The following POC1B variants were observed in gnomAD, a reference collection of about 807,000 sequenced individuals.
POC1B encodes the protein POC1 centriolar protein homolog B.
A neutral mutation model predicts 60.6 loss-of-function variants in POC1B; 44 were observed. The observed-to-expected ratio is 0.73, with a 90% CI of 0.57 to 0.93. POC1B has a LOEUF of 0.93. Ranked by LOEUF, POC1B falls within the 40% of genes least tolerant of loss-of-function variation. The pLI, the probability that POC1B is intolerant of heterozygous loss-of-function variation, is 0.00. For synonymous variants in POC1B, 180 were observed against 198.9 expected (o/e 0.90, Z 0.80); for missense variants, 555 against 572.3 (o/e 0.97, Z 0.31).
intron 2 of POC1B, among the ~76,000 whole-genome samples, chr12:89,504,917 C>T (rs536613426): frequency 6.6e-6 from 1 of 151,972 alleles, no homozygotes; most frequent in African/African-American, 2.4e-5. Flanking sequence ...CCAACTTGGG[C>T]AACATAATGA....
intron 4 of POC1B, among the ~76,000 whole-genome samples, chr12:89,481,423 CAT>C (rs373532519): frequency 8.4e-4 from 128 of 152,248 alleles, no homozygotes; most frequent in African/African-American, 2.9e-3. Flanking sequence ...ATGGGAAACA[CAT>C]GAGATAAGCA....
the POC1B span, among the ~76,000 whole-genome samples, chr12:89,412,933 C>T: frequency 6.6e-6 from 1 of 150,786 alleles, no homozygotes; most frequent in Non-Finnish European, 1.5e-5. Flanking sequence ...CACTCACTCT[C>T]GTCACCCAGG....
Position 89,481,466 on chromosome 12 carries a change from C to T in POC1B, c.453-9191G>A, listed in dbSNP as rs147886295. ...TCTGTCCCAGATTTCTACATAGGAG[C>T]ACTTTCTAAATCTTAGTACATGGAA... On this transcript the variant is annotated intron_variant, in intron 4 of 11. Coordinates refer to ENST00000313546, the MANE Select transcript of POC1B (RefSeq NM_172240.3). 1.3e-3 allele frequency among the ~76,000 whole-genome samples: 205 copies of T among 152,278 alleles called. 1 individual carries two copies. The highest frequency in any genetic ancestry group is 4.6e-3 in the African/African-American group (191 of 41,558).
chr12:89,504,050 C>A (rs1207631358), intron 2 of POC1B, among the ~76,000 whole-genome samples: 1 of 152,202 alleles, frequency 6.6e-6, no homozygotes, highest in Non-Finnish European at 1.5e-5. Flanking sequence ...TGCCCGGCCG[C>A]CCCTTCTGGG....
intron 11 of POC1B, 143 bp downstream of exon 11, chr12:89,425,018 G>T (rs1169474974): frequency 2.7e-6 from 2 of 735,314 alleles, no homozygotes; most frequent in Non-Finnish European, 4.5e-6. Context: ...ACAAGATCTT[G>T]TTTAGGGCAT....
At chr12:89,516,265 T>C (rs1187268301) in intron 2 of POC1B, among the ~76,000 whole-genome samples, 2 of 152,212 alleles carry the variant, frequency 1.3e-5, no homozygotes, top group East Asian at 1.9e-4. Flanking sequence ...CTATCTCCTC[T>C]TCTGATCTAC....
chr12:89,451,531 T>C (rs1882040013), intron 10 of POC1B, among the ~76,000 whole-genome samples: 1 of 152,224 alleles, frequency 6.6e-6, no homozygotes, highest in South Asian at 2.1e-4. Context: ...TTTCAGGATA[T>C]ATGATTGTGT....
the POC1B span, among the ~76,000 whole-genome samples, chr12:89,410,985 C>A: frequency 6.6e-6 from 1 of 152,138 alleles, no homozygotes; most frequent in East Asian, 1.9e-4. Context: ...AATAGACACA[C>A]AGAGAGCCAA....
rs1006739006 is a variant in POC1B, at chr12:89,502,811, T to C, written c.101-5469A>G. 7 of 1,328,622 alleles carry C rather than the reference T, an allele frequency of 5.3e-6. No homozygotes were observed. In the African/African-American group the frequency reaches 8.8e-5, roughly 17 times the overall value. 82.3% of individuals were successfully genotyped at this position (1,328,622 alleles called of 1,614,324 possible). A position where few individuals can be genotyped will look rare whatever the true frequency, so the allele number is the denominator to read the frequency against. The stretch of plus-strand genomic sequence containing the variant: ...TTATGTTAACTTTGGTGACCTTTCG[T>C]GTACTTTACACGAAATACCTTATAT... On this transcript the variant is annotated intron_variant, in intron 2 of 11. Coordinates refer to ENST00000313546, the MANE Select transcript of POC1B (RefSeq NM_172240.3).
intron 2 of POC1B, chr12:89,501,521 C>T: frequency 2.9e-6 from 3 of 1,037,110 alleles, no homozygotes; most frequent in South Asian, 3.1e-5. Context: ...AATGATTGTG[C>T]TTCCAAAATA....
In POC1B at chr12:89,434,455, T is replaced by C. The variant is rs148607404; in HGVS notation, c.1114-9076A>G. Among the ~76,000 whole-genome samples the C allele has an allele frequency of 1.3e-3, 195 of 152,354 alleles. 1 individual carries two copies. The highest frequency in any genetic ancestry group is 4.4e-3 in the African/African-American group (181 of 41,590). On this transcript the variant is annotated intron_variant, in intron 10 of 11. Coordinates refer to ENST00000313546, the MANE Select transcript of POC1B (RefSeq NM_172240.3). ...TAATTTTGAAGCCATTAATGGGTAG[T>C]ATACAGCTAGGACAAATGGAATCTG...
Position 89,496,993 on chromosome 12 carries a change from G to A in POC1B, c.272+178C>T, listed in dbSNP as rs547343068. 2.3e-4 allele frequency: 147 copies of A among 651,270 alleles called. 1 individual carries two copies. The highest frequency in any genetic ancestry group is 1.3e-3 in the Middle Eastern group (3 of 2,242). The allele number at this position is 651,270 out of a possible 1,614,324, so 40.3% of individuals were successfully genotyped here. Reference sequence around the variant, plus strand: ...GGTAGGAAATAGTTTTCAAAAAGAAGACATAATTTTGAGGAAAAAAATTGT... The same window carrying A: ...GGTAGGAAATAGTTTTCAAAAAGAAAACATAATTTTGAGGAAAAAAATTGT... On this transcript the variant is annotated intron_variant, in intron 3 of 11. Transcript: ENST00000313546.
At chr12:89,488,875 A>G (rs1342261637) in intron 4 of POC1B, among the ~76,000 whole-genome samples, 1 of 152,174 alleles carries the variant, frequency 6.6e-6, no homozygotes, top group African/African-American at 2.4e-5. Context: ...CTTATTGTGC[A>G]GCTCCCTGTG....
In POC1B at chr12:89,421,620, G is replaced by A. The variant is rs551273609; in HGVS notation, c.1333-363C>T. 6.6e-5 allele frequency among the ~76,000 whole-genome samples: 10 copies of A among 152,234 alleles called. No individual in the cohort carries two copies. The East Asian group carries it at 1.5e-3, about 23-fold the overall frequency. ...CACACTTAGTGGAGAAGGGGAGGGG[G>A]TGCGAAATTCCACATGCCAGCCAGA... On this transcript the variant is annotated intron_variant, in intron 11 of 11. Coordinates refer to ENST00000313546, the MANE Select transcript of POC1B (RefSeq NM_172240.3).
downstream of POC1B, among the ~76,000 whole-genome samples, chr12:89,419,219 A>G (rs1282348435): frequency 6.6e-6 from 1 of 152,082 alleles, no homozygotes; most frequent in Non-Finnish European, 1.5e-5. Context: ...GATGCCTGTT[A>G]GAGTTCCAAG....
chr12:89,519,358 T>C (rs891290308), intron 2 of POC1B: 2 of 152,194 alleles, frequency 1.3e-5, no homozygotes, highest in African/African-American at 4.8e-5. Context: ...TCCATTGCCA[T>C]TATAAATGTA....
chr12:89,492,898 G>A (rs1397299305), intron 3 of POC1B, among the ~76,000 whole-genome samples: 1 of 151,954 alleles, frequency 6.6e-6, no homozygotes, highest in African/African-American at 2.4e-5. Flanking sequence ...CTAGGTTACT[G>A]CAAAAGCCTC....
chr12:89,420,284 TAG>T lies in POC1B; in HGVS notation c.*867_*868del, dbSNP rs1224409986. The T allele has an allele frequency of 6.6e-6, 1 of 152,164 alleles. No individual in the cohort carries two copies. The allele number at this position is 152,164 out of a possible 1,614,324, so 9.4% of individuals were successfully genotyped here. On this transcript the variant is annotated 3_prime_UTR_variant, in exon 12 of 12. Coordinates refer to ENST00000313546, the MANE Select transcript of POC1B (RefSeq NM_172240.3). ...AAAATTTTAAAAAGTACTTACTATT[TAG>T]CTGCCCAAATCACCCTAAGCAACAA... is the stretch of plus-strand genomic sequence containing the variant.
At chr12:89,487,494 C>T (rs759506817) in intron 4 of POC1B, among the ~76,000 whole-genome samples, 1 of 152,212 alleles carries the variant, frequency 6.6e-6, no homozygotes, top group East Asian at 1.9e-4. Flanking sequence ...GTCCCAAACA[C>T]CGTCAACTGG....
Sources: gnomAD v4.1 joint callset for allele counts (sites outside exome capture counted in the v4.1 genomes callset) on GRCh38, gnomAD v4.1.1 for gene constraint, MANE v1.5 for transcripts, NCBI Gene and HGNC (gene_info 2026-07-23, HGNC 2026-07-21) for gene names.